The following INO80 variants were observed in gnomAD, a reference collection of about 807,000 sequenced individuals.
The protein encoded by INO80 is INO80 complex ATPase subunit, also known as chromatin-remodeling ATPase INO80.
A neutral mutation model predicts 203.4 loss-of-function variants in INO80; 20 were observed. The observed-to-expected ratio is 0.10, with a 90% CI of 0.07 to 0.14. INO80 has a LOEUF of 0.14. INO80 is among the 10% of genes least tolerant of loss of function. The pLI, the probability that INO80 is intolerant of heterozygous loss-of-function variation, is 1.00. For missense variants in INO80, 1,419 were observed against 1,914.4 expected (o/e 0.74, Z 4.83); for synonymous variants, 726 against 685.2 (o/e 1.06, Z -0.93).
chr15:41,009,595 GT>G (rs2044103735), intron 27 of INO80, among the ~76,000 whole-genome samples: 1 of 151,770 alleles, frequency 6.6e-6, no homozygotes, highest in South Asian at 2.1e-4. Context: ...ATGCGTTTTG[GT>G]TTTGTTTTGT....
At position 41,047,457 on chromosome 15, in the gene INO80, T is replaced by G; in HGVS notation, c.2686A>C (p.Ile896Leu). 1 of 1,613,372 alleles carries G rather than the reference T, an allele frequency of 6.2e-7. No individual in the cohort carries two copies. The highest frequency in any genetic ancestry group is 8.5e-7 in the Non-Finnish European group (1 of 1,179,756). Reference protein sequence around the residue: ...SCFSFLRFIDISPAEMANLML... With the variant: ...SCFSFLRFIDLSPAEMANLML... ...AGGTTTGCCATTTCTGCTGGAGATA[T>G]ATCAATAAAGCGAAGGAAAGAGAAA... is the stretch of plus-strand genomic sequence containing the variant. Residue 896 changes from isoleucine to leucine, a missense_variant, in exon 23 of 36, where the codon ATA becomes CTA. By Grantham distance (5) the Ile-to-Leu change is conservative (BLOSUM62 2). Coordinates refer to ENST00000648947, the MANE Select transcript of INO80 (RefSeq NM_017553.3).
chr15:41,114,221 C>A (rs1449478737), intron 1 of INO80, among the ~76,000 whole-genome samples: 2 of 151,026 alleles, frequency 1.3e-5, no homozygotes, highest in Non-Finnish European at 2.9e-5. Context: ...GAGCCGAGAT[C>A]ACGCCACTAT....
chr15:41,079,157 AACAGTACAG>A (rs949457314), intron 9 of INO80, among the ~76,000 whole-genome samples: 2 of 151,838 alleles, frequency 1.3e-5, no homozygotes, highest in African/African-American at 4.8e-5. Context: ...AAATAAATAA[AACAGTACAG>A]TAGGTGAAGG....
chr15:41,113,236 T>C (rs769960492), intron 1 of INO80, among the ~76,000 whole-genome samples: 16 of 151,702 alleles, frequency 1.1e-4, no homozygotes, highest in Non-Finnish European at 1.6e-4. Context: ...AATTTGTATG[T>C]TGGCATATAA....
At chr15:41,070,338 A>T in intron 13 of INO80, 129 bp downstream of exon 13, 1 of 804,154 alleles carries the variant, frequency 1.2e-6, no homozygotes, top group South Asian at 1.7e-5. Flanking sequence ...TAAAGCTCTG[A>T]GGCAAGAACC....
At chr15:41,030,660 C>G (rs1176064861) in intron 24 of INO80, among the ~76,000 whole-genome samples, 1 of 151,656 alleles carries the variant, frequency 6.6e-6, no homozygotes, top group African/African-American at 2.4e-5. Flanking sequence ...CCACACCTGG[C>G]CAACATTCAC....
intron 33 of INO80, 33 bp from the exon 34 acceptor site, chr15:40,983,954 C>T: frequency 1.2e-6 from 2 of 1,606,468 alleles, no homozygotes; most frequent in Non-Finnish European, 1.7e-6. Context: ...CATTACGACC[C>T]CCTGTGCTCA....
At chr15:41,071,597 G>A (rs1047247259) in intron 12 of INO80, among the ~76,000 whole-genome samples, 1 of 151,646 alleles carries the variant, frequency 6.6e-6, no homozygotes, top group African/African-American at 2.4e-5. Flanking sequence ...TGGGATCACA[G>A]GCATGCACCA....
chr15:41,038,001 CT>C (rs2044607409), intron 24 of INO80, among the ~76,000 whole-genome samples: 1 of 143,252 alleles, frequency 7.0e-6, no homozygotes, highest in Non-Finnish European at 1.5e-5. Context: ...TCTTGCCCCT[CT>C]TCCCTTTTCT....
intron 14 of INO80, among the ~76,000 whole-genome samples, chr15:41,066,442 C>A (rs1167847016): frequency 1.3e-5 from 2 of 151,968 alleles, no homozygotes; most frequent in African/African-American, 2.4e-5. Flanking sequence ...CAGGCATGAC[C>A]CACCAGGCCC....
chr15:40,992,986 G>C (rs1252880874), intron 29 of INO80, among the ~76,000 whole-genome samples: 1 of 152,020 alleles, frequency 6.6e-6, no homozygotes, highest in African/African-American at 2.4e-5. Context: ...GTACAGATGG[G>C]GTCTTGCTAT....
At chr15:41,073,602 C>T (rs1205717491) in intron 10 of INO80, 107 bp from the exon 11 acceptor site, 1 of 929,034 alleles carries the variant, frequency 1.1e-6, no homozygotes, top group South Asian at 1.3e-5. Context: ...TCTACTTATC[C>T]CTGGGTTCAC....
chr15:41,091,452 C>T (rs2045640539), intron 5 of INO80, among the ~76,000 whole-genome samples: 1 of 151,960 alleles, frequency 6.6e-6, no homozygotes, highest in Admixed American at 6.6e-5. Flanking sequence ...GTTTGCTGCA[C>T]CTATCAACCC....
At chr15:41,020,275 C>T (rs919865062) in intron 26 of INO80, among the ~76,000 whole-genome samples, 2 of 152,084 alleles carry the variant, frequency 1.3e-5, no homozygotes, top group African/African-American at 2.4e-5. Context: ...CCAAAACTAA[C>T]ACTATAGCTC....
At chr15:40,980,584 G>C in intron 35 of INO80, 144 bp from the exon 36 acceptor site, 1 of 635,344 alleles carries the variant, frequency 1.6e-6, no homozygotes, top group South Asian at 1.9e-5. Flanking sequence ...CAACTTCTTG[G>C]CATGTTTGCT....
chr15:41,112,800 A>C (rs908825649), intron 1 of INO80, among the ~76,000 whole-genome samples: 2 of 151,466 alleles, frequency 1.3e-5, no homozygotes, highest in Non-Finnish European at 2.9e-5. Flanking sequence ...AAAAAAAAAA[A>C]AAAAAAAAAA....
intron 27 of INO80, among the ~76,000 whole-genome samples, chr15:41,006,855 G>T (rs1260594254): frequency 6.6e-6 from 1 of 152,154 alleles, no homozygotes; most frequent in Non-Finnish European, 1.5e-5. Flanking sequence ...CTTAAGAGCT[G>T]TGATAATCAA....
At chr15:40,987,782 C>T (rs1446306653) in intron 30 of INO80, 34 bp downstream of exon 30, 2 of 1,593,888 alleles carry the variant, frequency 1.3e-6, no homozygotes, top group Non-Finnish European at 8.6e-7. Context: ...CTGTTTGCTC[C>T]ACCAGTGTAG....
At chr15:41,098,806 GATAA>G (rs2045762673) in intron 1 of INO80, among the ~76,000 whole-genome samples, 1 of 151,774 alleles carries the variant, frequency 6.6e-6, no homozygotes, top group Non-Finnish European at 1.5e-5. Context: ...AACTCTATAA[GATAA>G]ATAACCCAAT....
Sources: gnomAD v4.1 joint callset for allele counts (sites outside exome capture counted in the v4.1 genomes callset) on GRCh38, gnomAD v4.1.1 for gene constraint, MANE v1.5 for transcripts, NCBI Gene and HGNC (gene_info 2026-07-23, HGNC 2026-07-21) for gene names.